Variants in IRAK3 observed in about 807,000 individuals in gnomAD.
The protein encoded by IRAK3 is interleukin-1 receptor-associated kinase 3.
IRAK3 carries 57 observed loss-of-function variants against 56.6 expected under a neutral mutation model. The observed-to-expected ratio is 1.01, with a 90% CI of 0.81 to 1.26. The LOEUF (loss-of-function observed/expected upper bound fraction) is 1.26, where lower values mean the gene tolerates loss of function less well. Among genes scored for constraint, IRAK3 ranks in the 50% most tolerant of loss-of-function variants. The pLI is 0.00. For missense variants in IRAK3, 703 were observed against 719.0 expected (o/e 0.98, Z 0.25); for synonymous variants, 258 against 255.7 (o/e 1.01, Z -0.09).
rs532510913 is a variant in IRAK3 at position 66,222,031 on chromosome 12, A to AAAAC, written c.654-4672_654-4669dup. On this transcript the variant is annotated intron_variant, in intron 6 of 11. Transcript: ENST00000261233. ...GCAACAGAGCAAGACTCGATCTCCA[A>AAAAC]AAACAAACAAACAAACAAACAAAAA... Among the ~76,000 whole-genome samples, 444 of 152,278 alleles carry AAAAC rather than the reference A, an allele frequency of 2.9e-3. 1 individual carries two copies. Among genetic ancestry groups the AAAAC allele is most frequent in the Non-Finnish European group, 4.3e-3 (292 of 68,012 alleles).
Position 66,248,696 on chromosome 12 carries a change from G to C in IRAK3, c.*525G>C, listed in dbSNP as rs11465990. The C allele has an allele frequency of 0.056, 8,566 of 152,872 alleles. 332 individuals carry two copies. Among genetic ancestry groups the C allele is most frequent in the Non-Finnish European group, 0.083 (5,671 of 68,478 alleles). The allele number at this position is 152,872 out of a possible 1,614,324, so 9.5% of individuals were successfully genotyped here. A position where few individuals can be genotyped will look rare whatever the true frequency, so the allele number is the denominator to read the frequency against. On this transcript the variant is annotated 3_prime_UTR_variant, in exon 12 of 12. Coordinates refer to ENST00000261233, the MANE Select transcript of IRAK3 (RefSeq NM_007199.3). ...TTGTTTTTTGGTTAATCCCTGACTA[G>C]CCTGCTTGTCTGAAAATGAGCCAGG... is the stretch of plus-strand genomic sequence containing the variant.
At chr12:66,198,098 A>T (rs2052472180) in intron 1 of IRAK3, 1 of 985,020 alleles carries the variant, frequency 1.0e-6, no homozygotes, top group Non-Finnish European at 1.2e-6. Context: ...TTTATCTGAG[A>T]CTCCTGCTAC....
At position 66,189,390 on chromosome 12, in the gene IRAK3, G is replaced by C. The variant is rs541354254; in HGVS notation, c.91G>C (p.Val31Leu). The C allele has an allele frequency of 6.7e-7, 1 of 1,496,346 alleles. No homozygotes were observed. The highest frequency in any genetic ancestry group is 8.9e-7 in the Non-Finnish European group (1 of 1,126,454). 92.7% of individuals were successfully genotyped at this position (1,496,346 alleles called of 1,614,324 possible). The change falls in exon 1 of 12, where the codon GTT (valine) becomes CTT (leucine). Residue 31 changes from valine (V) to leucine (L), a missense_variant. Val to Leu is a conservative substitution (Grantham distance 32). Coordinates refer to ENST00000261233, the MANE Select transcript of IRAK3 (RefSeq NM_007199.3). ...CGCGCTGCTCGGAGAGCTCTGCGCT[G>C]TTCTGGACAGCTGCGACGGCGCGCT... ...PPALLGELCAVLDSCDGALGW... is the reference protein window; with the variant it reads ...PPALLGELCALLDSCDGALGW...
intron 8 of IRAK3, among the ~76,000 whole-genome samples, chr12:66,241,981 AG>A (rs1460962959): frequency 6.6e-6 from 1 of 152,030 alleles, no homozygotes; most frequent in Non-Finnish European, 1.5e-5. Flanking sequence ...TAAAAGATTC[AG>A]GGTTTTTTTG....
At chr12:66,197,281 G>T in intron 1 of IRAK3, 2 of 1,126,270 alleles carry the variant, frequency 1.8e-6, no homozygotes, top group Non-Finnish European at 2.2e-6. Context: ...ACTTTTCTCT[G>T]TATTTTTATT....
rs2053081417 is a variant in IRAK3 at position 66,250,064 on chromosome 12, T to A, written c.*1893T>A. On this transcript the variant is annotated 3_prime_UTR_variant, in exon 12 of 12. Transcript: ENST00000261233. ...TGTTTCCTTATAAATTAAGTTGAAT[T>A]AAATTACCCCTATGAAGCCACATAA... 1 of 152,166 alleles carries A rather than the reference T, an allele frequency of 6.6e-6. No homozygotes were observed. Among genetic ancestry groups the A allele is most frequent in the African/African-American group, 2.4e-5 (1 of 41,428 alleles). The allele number at this position is 152,166 out of a possible 1,614,324, so 9.4% of individuals were successfully genotyped here.
rs1220249975 is a variant in IRAK3 at position 66,197,156 on chromosome 12, G to C, written c.134-6555G>C. The stretch of plus-strand genomic sequence containing the variant: ...TGACTCCAATACGACTTTCAACAAA[G>C]ATTTGTGTTCCAAAAAATGGTTTTA... On this transcript the variant is annotated intron_variant, in intron 1 of 11. Transcript: ENST00000261233. The C allele has an allele frequency of 3.2e-6, 4 of 1,267,318 alleles. No individual in the cohort carries two copies. The African/African-American group carries it at 6.2e-5, about 20-fold the overall frequency. 78.5% of individuals were successfully genotyped at this position (1,267,318 alleles called of 1,614,324 possible). A position where few individuals can be genotyped will look rare whatever the true frequency, so the allele number is the denominator to read the frequency against.
intron 8 of IRAK3, among the ~76,000 whole-genome samples, chr12:66,236,062 A>G (rs1433955016): frequency 6.6e-6 from 1 of 152,256 alleles, no homozygotes; most frequent in African/African-American, 2.4e-5. Flanking sequence ...TCAGTAAAGA[A>G]GCTTGATAAT....
At chr12:66,238,885 TAAAG>T (rs2052935230) in intron 8 of IRAK3, among the ~76,000 whole-genome samples, 1 of 152,188 alleles carries the variant, frequency 6.6e-6, no homozygotes, top group African/African-American at 2.4e-5. Context: ...GGAAAGGACT[TAAAG>T]AAAAGAATCT....
chr12:66,202,268 C>T (rs1374889794), intron 1 of IRAK3, among the ~76,000 whole-genome samples: 1 of 152,102 alleles, frequency 6.6e-6, no homozygotes, highest in Non-Finnish European at 1.5e-5. Flanking sequence ...GCTCTGTGCT[C>T]TTGGAGGGCC....
chr12:66,252,028 CT>C lies in IRAK3; in HGVS notation c.*3858del, dbSNP rs1319803148. 6.6e-6 allele frequency: 1 copy of C among 152,216 alleles called. No homozygotes were observed. The highest frequency in any genetic ancestry group is 2.4e-5 in the African/African-American group (1 of 41,452). The allele number at this position is 152,216 out of a possible 1,614,324, so 9.4% of individuals were successfully genotyped here. A position where few individuals can be genotyped will look rare whatever the true frequency, so the allele number is the denominator to read the frequency against. Reference sequence around the variant, plus strand: ...GAATTAAGAGAAATAGAAAAGAGCACTGACGAAGCACTCAGGATGGCTATTC... The same window carrying C: ...GAATTAAGAGAAATAGAAAAGAGCACGACGAAGCACTCAGGATGGCTATTC... On this transcript the variant is annotated 3_prime_UTR_variant, in exon 12 of 12. Transcript: ENST00000261233.
intron 7 of IRAK3, among the ~76,000 whole-genome samples, 197 bp downstream of exon 7, chr12:66,227,034 G>A (rs2052794115): frequency 6.6e-6 from 1 of 152,080 alleles, no homozygotes; most frequent in Non-Finnish European, 1.5e-5. Context: ...GAGTTAACGT[G>A]TTCTGTGCAA....
intron 5 of IRAK3, 67 bp from the exon 6 acceptor site, chr12:66,217,104 C>T (rs1286789511): frequency 8.8e-7 from 1 of 1,130,402 alleles, no homozygotes; most frequent in Non-Finnish European, 1.4e-6. Context: ...AGACTATAGA[C>T]CCTGGGTTAA....
rs1387692458 is a variant in IRAK3, at chr12:66,211,598, G to C, written c.588+1G>C. The stretch of plus-strand genomic sequence containing the variant: ...ATATGCTGTCAAATTATTTAAACAG[G>C]TATGGAAAGAATTACTGTCACAGGA... On this transcript the variant is annotated splice_donor_variant, in intron 5 of 11. Transcript: ENST00000261233. LOFTEE classifies it high-confidence loss of function. The C allele has an allele frequency of 1.2e-6, 2 of 1,607,106 alleles. No homozygotes were observed. Among genetic ancestry groups the C allele is most frequent in the Admixed American group, 3.3e-5 (2 of 60,002 alleles).
At position 66,248,332 on chromosome 12, in the gene IRAK3, C is replaced by T; in HGVS notation, c.*161C>T. ...ATCTGGATAATTCCATTTCTTTTTT[C>T]CCAAACCCTCAAACAGAGTGCCTTA... On this transcript the variant is annotated 3_prime_UTR_variant, in exon 12 of 12. Coordinates refer to ENST00000261233, the MANE Select transcript of IRAK3 (RefSeq NM_007199.3). 2 of 588,408 alleles carry T rather than the reference C, an allele frequency of 3.4e-6. No individual in the cohort carries two copies. The highest frequency in any genetic ancestry group is 3.0e-6 in the Non-Finnish European group (1 of 334,038). The allele number at this position is 588,408 out of a possible 1,614,324, so 36.4% of individuals were successfully genotyped here.
At position 66,247,077 on chromosome 12, in the gene IRAK3, C is replaced by T. The variant is rs145018954; in HGVS notation, c.1315-618C>T. On this transcript the variant is annotated intron_variant, in intron 11 of 11. Transcript: ENST00000261233. The stretch of plus-strand genomic sequence containing the variant: ...CTGAGGTCAGGAGTTTGAAACCAGC[C>T]TGGCCAACATGGCGAAACCCCATCT... Among the ~76,000 whole-genome samples the T allele has an allele frequency of 1.9e-3, 288 of 152,240 alleles. 1 individual carries two copies. The highest frequency in any genetic ancestry group is 6.8e-3 in the African/African-American group (281 of 41,528).
At chr12:66,237,225 A>G (rs2052917427) in intron 8 of IRAK3, among the ~76,000 whole-genome samples, 1 of 152,040 alleles carries the variant, frequency 6.6e-6, no homozygotes. Context: ...TGAAAGCACA[A>G]CCCAGGCCTG....
chr12:66,207,976 T>C (rs546514842), intron 2 of IRAK3, among the ~76,000 whole-genome samples: 1 of 152,344 alleles, frequency 6.6e-6, no homozygotes, highest in Admixed American at 6.5e-5. Flanking sequence ...CAATTTATAC[T>C]TGAGAAATAT....
intron 8 of IRAK3, among the ~76,000 whole-genome samples, chr12:66,232,364 C>T (rs1217837071): frequency 1.3e-5 from 2 of 152,154 alleles, no homozygotes; most frequent in Non-Finnish European, 2.9e-5. Context: ...CAAAGCAAAT[C>T]AGTCCCTTCC....
Sources: allele counts gnomAD v4.1 joint callset (sites outside exome capture counted in the v4.1 genomes callset), GRCh38; gene constraint gnomAD v4.1.1; transcripts MANE v1.5; gene names NCBI Gene and HGNC (gene_info 2026-07-23, HGNC 2026-07-21).